The following NRXN1 variants were observed in gnomAD, a reference collection of about 807,000 sequenced individuals.
NRXN1 encodes the protein neurexin-1.
NRXN1 carries 39 observed loss-of-function variants against 150.9 expected under a neutral mutation model. That is an observed-to-expected ratio of 0.26 (90% CI 0.20 to 0.34). NRXN1 has a LOEUF of 0.34. Among genes scored for constraint, NRXN1 ranks in the 10% least tolerant of loss-of-function variants. NRXN1 has a pLI of 1.00. For synonymous variants in NRXN1, 924 were observed against 757.0 expected (o/e 1.22, Z -3.62); for missense variants, 1,815 against 1,949.9 (o/e 0.93, Z 1.30).
At chr2:50,535,224 T>C (rs2093224463) in intron 10 of NRXN1, among the ~76,000 whole-genome samples, 1 of 152,210 alleles carries the variant, frequency 6.6e-6, no homozygotes. Context: ...ACTAGTAAAA[T>C]TATTTCATCA....
chr2:50,228,684 A>T (rs992263129), intron 18 of NRXN1, among the ~76,000 whole-genome samples: 19 of 152,034 alleles, frequency 1.2e-4, no homozygotes, highest in African/African-American at 4.3e-4. Context: ...AAGCCTTACT[A>T]ATCAATTAAA....
chr2:50,442,261 T>C (rs2086017550), intron 17 of NRXN1, among the ~76,000 whole-genome samples: 1 of 152,178 alleles, frequency 6.6e-6, no homozygotes. Context: ...GCCTAGCACA[T>C]AGTGGTCCTA....
rs181778158 is a variant in NRXN1 at position 51,023,324 on chromosome 2, C to T, written c.772+4178G>A. ...CACTTTTACAGTAAAGACAAAAATA[C>T]TTGACATGGTCCAGAAGGTTGTGCA... is the stretch of plus-strand genomic sequence containing the variant. On this transcript the variant is annotated intron_variant, in intron 2 of 22. Coordinates refer to ENST00000401669, the MANE Select transcript of NRXN1 (RefSeq NM_001330078.2). Among the ~76,000 whole-genome samples the T allele has an allele frequency of 5.8e-4, 89 of 152,310 alleles. 1 individual carries two copies. The highest frequency in any genetic ancestry group is 2.1e-3 in the African/African-American group (86 of 41,568).
intron 5 of NRXN1, among the ~76,000 whole-genome samples, chr2:50,805,102 C>G (rs1319916007): frequency 6.6e-6 from 1 of 151,960 alleles, no homozygotes; most frequent in South Asian, 2.1e-4. Context: ...TAGAACAATG[C>G]CTGCCACATA....
At chr2:51,012,156 G>C (rs1010322739) in intron 2 of NRXN1, among the ~76,000 whole-genome samples, 1 of 151,810 alleles carries the variant, frequency 6.6e-6, no homozygotes, top group African/African-American at 2.4e-5. Context: ...AAACTTTCAG[G>C]TTTCCTCACT....
At chr2:50,254,116 T>C (rs1183866747) in intron 17 of NRXN1, among the ~76,000 whole-genome samples, 1 of 151,918 alleles carries the variant, frequency 6.6e-6, no homozygotes, top group Non-Finnish European at 1.5e-5. Flanking sequence ...TATTTGGGAA[T>C]TCAACTTCTT....
chr2:50,820,294 T>C (rs1237860132), intron 5 of NRXN1, among the ~76,000 whole-genome samples: 20 of 152,136 alleles, frequency 1.3e-4, no homozygotes, highest in Admixed American at 1.3e-3. Flanking sequence ...CATTAAATCA[T>C]CTCACTGTTA....
intron 17 of NRXN1, among the ~76,000 whole-genome samples, chr2:50,383,949 C>G: frequency 6.6e-6 from 1 of 152,096 alleles, no homozygotes; most frequent in Non-Finnish European, 1.5e-5. Context: ...TTCAACTTAC[C>G]CCGTTTATAC....
At chr2:50,163,368 C>T (rs375273744) in intron 18 of NRXN1, among the ~76,000 whole-genome samples, 52 of 152,116 alleles carry the variant, frequency 3.4e-4, no homozygotes, top group African/African-American at 1.0e-3. Flanking sequence ...AAATTACCCG[C>T]GCAAAACAAC....
chr2:50,787,906 T>C (rs2105572919), intron 5 of NRXN1, among the ~76,000 whole-genome samples: 1 of 152,114 alleles, frequency 6.6e-6, no homozygotes, highest in African/African-American at 2.4e-5. Context: ...TCACCACTTC[T>C]CAGCATGTCA....
intron 10 of NRXN1, among the ~76,000 whole-genome samples, chr2:50,532,771 A>T (rs1346728713): frequency 1.3e-5 from 2 of 152,144 alleles, no homozygotes; most frequent in Non-Finnish European, 2.9e-5. Context: ...AATAAAAAAA[A>T]AACTGTTGAT....
intron 5 of NRXN1, among the ~76,000 whole-genome samples, chr2:50,718,489 A>C (rs1696160292): frequency 6.6e-6 from 1 of 152,206 alleles, no homozygotes; most frequent in Non-Finnish European, 1.5e-5. Context: ...CATAGTTATT[A>C]ATCTGTATCT....
At chr2:50,222,114 C>T (rs2063942899) in intron 18 of NRXN1, among the ~76,000 whole-genome samples, 1 of 151,924 alleles carries the variant, frequency 6.6e-6, no homozygotes, top group South Asian at 2.1e-4. Context: ...AGTACTGCTA[C>T]CCAGGAGGAT....
chr2:50,157,328 T>C (rs1050212456), intron 18 of NRXN1, among the ~76,000 whole-genome samples: 12 of 152,122 alleles, frequency 7.9e-5, no homozygotes, highest in South Asian at 2.1e-4. Context: ...TCACCAGTCA[T>C]TCAGGCACAG....
At chr2:49,973,578 T>C (rs1187700962) in intron 21 of NRXN1, among the ~76,000 whole-genome samples, 4 of 151,954 alleles carry the variant, frequency 2.6e-5, no homozygotes, top group Admixed American at 6.6e-5. Context: ...ATTCATGCTT[T>C]TACTTGAACT....
At chr2:50,809,686 C>A (rs537496335) in intron 5 of NRXN1, among the ~76,000 whole-genome samples, 56 of 152,212 alleles carry the variant, frequency 3.7e-4, no homozygotes, top group African/African-American at 1.3e-3. Context: ...TCAGTTTAAA[C>A]ATCCATGGGT....
chr2:50,044,233 A>G (rs916463107), intron 21 of NRXN1, among the ~76,000 whole-genome samples: 3 of 152,212 alleles, frequency 2.0e-5, no homozygotes, highest in African/African-American at 4.8e-5. Flanking sequence ...TCTCAATAGC[A>G]TATAATTTAT....
At chr2:50,375,157 T>C (rs535213966) in intron 17 of NRXN1, among the ~76,000 whole-genome samples, 1 of 152,236 alleles carries the variant, frequency 6.6e-6, no homozygotes, top group Non-Finnish European at 1.5e-5. Context: ...CATCTTTTAA[T>C]ATACCTTAGT....
intron 5 of NRXN1, among the ~76,000 whole-genome samples, chr2:50,754,701 G>A (rs1052414993): frequency 3.3e-5 from 5 of 151,716 alleles, no homozygotes; most frequent in African/African-American, 7.3e-5. Flanking sequence ...GAAAACCTTC[G>A]CCAGTAAATC....
Sources: gnomAD v4.1 joint callset for allele counts (sites outside exome capture counted in the v4.1 genomes callset) on GRCh38, gnomAD v4.1.1 for gene constraint, MANE v1.5 for transcripts, NCBI Gene and HGNC (gene_info 2026-07-23, HGNC 2026-07-21) for gene names.